Variants in DIP2C observed in about 807,000 individuals in gnomAD.
DIP2C encodes DIP2 acetate--CoA ligase C (putative).
In DIP2C, 33 loss-of-function variants were observed where a neutral mutation model predicts 192.4. The ratio of observed to expected loss-of-function variants is 0.17; its 90% CI spans 0.13 to 0.23. DIP2C has a LOEUF of 0.23. Ranked by LOEUF, DIP2C falls within the 10% of genes least tolerant of loss-of-function variation. The pLI, the probability that DIP2C is intolerant of heterozygous loss-of-function variation, is 1.00. For synonymous variants in DIP2C, 979 were observed against 864.1 expected (o/e 1.13, Z -2.33); for missense variants, 1,537 against 2,110.1 (o/e 0.73, Z 5.32).
intron 29 of DIP2C, among the ~76,000 whole-genome samples, chr10:339,488 C>G (rs1021110922): frequency 2.7e-5 from 4 of 150,896 alleles, no homozygotes; most frequent in African/African-American, 9.9e-5. Context: ...TTCCCTGCAA[C>G]AAACATCTTC....
intron 1 of DIP2C, among the ~76,000 whole-genome samples, chr10:574,575 A>G (rs1197848569): frequency 6.6e-6 from 1 of 152,214 alleles, no homozygotes; most frequent in African/African-American, 2.4e-5. Context: ...AGGAAAGAAC[A>G]GGTAACATCT....
chr10:652,245 C>T lies in DIP2C; in HGVS notation c.85+37249G>A, dbSNP rs10904537. 12,681 of 182,898 alleles carry T rather than the reference C, an allele frequency of 0.069. 771 individuals are homozygous for T. Among genetic ancestry groups the T allele is most frequent in the African/African-American group, 0.17 (7,012 of 41,770 alleles). 11.3% of individuals were successfully genotyped at this position (182,898 alleles called of 1,614,324 possible). A position where few individuals can be genotyped will look rare whatever the true frequency, so the allele number is the denominator to read the frequency against. Reference sequence around the variant, plus strand: ...TGCGTATCCCCTGCGGGAAAGACCACGCTGGCTGCTGACCAAACTCCACTG... The same window carrying T: ...TGCGTATCCCCTGCGGGAAAGACCATGCTGGCTGCTGACCAAACTCCACTG... On this transcript the variant is annotated intron_variant, in intron 1 of 36. Transcript: ENST00000280886. The surrounding 1 kb of genome is among the most constrained non-coding windows in gnomAD (Gnocchi z 4.5).
At chr10:417,312 C>T (rs1965707815) in intron 6 of DIP2C, among the ~76,000 whole-genome samples, 1 of 152,108 alleles carries the variant, frequency 6.6e-6, no homozygotes, top group Admixed American at 6.5e-5. Context: ...CTATGACACG[C>T]CGAGACAGCA....
intron 32 of DIP2C, among the ~76,000 whole-genome samples, chr10:297,208 A>C (rs1014402031): frequency 8.1e-5 from 12 of 148,870 alleles, no homozygotes; most frequent in Admixed American, 3.4e-4. Flanking sequence ...AAAACAAAAC[A>C]AAACAAAACC....
intron 1 of DIP2C, among the ~76,000 whole-genome samples, chr10:603,305 A>AAAAAAAAAAAAAAAAC (rs1852220297): frequency 1.3e-5 from 1 of 79,702 alleles, no homozygotes; most frequent in Admixed American, 1.3e-4. Flanking sequence ...TCTCAAAAAA[A>AAAAAAAAAAAAAAAAC]AAAAAAAAAA....
intron 10 of DIP2C, among the ~76,000 whole-genome samples, chr10:391,880 T>C (rs1248233781): frequency 1.3e-5 from 2 of 152,124 alleles, no homozygotes; most frequent in African/African-American, 2.4e-5. Flanking sequence ...CCTGGGTAAA[T>C]TAGGCAGATT....
intron 26 of DIP2C, among the ~76,000 whole-genome samples, chr10:348,120 G>A (rs1392466495): frequency 6.6e-6 from 1 of 152,250 alleles, no homozygotes; most frequent in East Asian, 1.9e-4. Context: ...CATGCCAAAA[G>A]GGACTCAGGT....
chr10:347,495 C>T (rs1413630282), intron 26 of DIP2C, among the ~76,000 whole-genome samples: 2 of 94,582 alleles, frequency 2.1e-5, no homozygotes, highest in Non-Finnish European at 4.2e-5. Flanking sequence ...CACCCGGACA[C>T]ATTGCGCATA....
chr10:438,634 G>A (rs112316660), intron 4 of DIP2C, among the ~76,000 whole-genome samples: 2,574 of 151,800 alleles, frequency 0.017, 83 homozygotes, highest in African/African-American at 0.058. Flanking sequence ...GGGACTATGC[G>A]CACACACCAC....
chr10:688,007 T>C (rs1219430329), intron 1 of DIP2C, among the ~76,000 whole-genome samples: 1 of 152,176 alleles, frequency 6.6e-6, no homozygotes, highest in Non-Finnish European at 1.5e-5. Context: ...GGGGTGCACC[T>C]GGGCCGAGAC....
intron 3 of DIP2C, among the ~76,000 whole-genome samples, chr10:451,459 T>C (rs1171090735): frequency 6.6e-6 from 1 of 152,188 alleles, no homozygotes; most frequent in Non-Finnish European, 1.5e-5. Context: ...TTTCTTCAAG[T>C]TGTAGGGAGT....
intron 1 of DIP2C, among the ~76,000 whole-genome samples, chr10:552,741 C>T (rs1186163596): frequency 2.6e-5 from 4 of 152,168 alleles, no homozygotes; most frequent in East Asian, 1.9e-4. Context: ...TCCAGCTACT[C>T]GGGAGGCTGA....
At chr10:476,497 A>G (rs1397207242) in intron 2 of DIP2C, among the ~76,000 whole-genome samples, 1 of 152,202 alleles carries the variant, frequency 6.6e-6, no homozygotes, top group Non-Finnish European at 1.5e-5. Context: ...CTCAGCACAA[A>G]AAGCACCAAG....
chr10:610,766 GA>G, intron 1 of DIP2C, among the ~76,000 whole-genome samples: 1 of 151,106 alleles, frequency 6.6e-6, no homozygotes, highest in African/African-American at 2.4e-5. Flanking sequence ...CCCAGTGTTG[GA>G]GGTGGGCCCT....
chr10:479,404 A>C (rs1843421655), intron 2 of DIP2C, among the ~76,000 whole-genome samples: 1 of 136,402 alleles, frequency 7.3e-6, no homozygotes, highest in Non-Finnish European at 1.5e-5. Context: ...CGCAATCTCC[A>C]CTCACTGCAA....
intron 4 of DIP2C, among the ~76,000 whole-genome samples, chr10:438,654 C>A (rs1175991676): frequency 1.3e-5 from 2 of 151,810 alleles, no homozygotes; most frequent in Non-Finnish European, 2.9e-5. Context: ...CCATGCCTGG[C>A]TGATTTCTGT....
intron 3 of DIP2C, among the ~76,000 whole-genome samples, chr10:467,463 A>G (rs1176250534): frequency 6.6e-6 from 1 of 150,890 alleles, no homozygotes; most frequent in East Asian, 2.0e-4. Context: ...GCGCACCAGC[A>G]TGGCATATGT....
intron 1 of DIP2C, among the ~76,000 whole-genome samples, chr10:503,093 C>G (rs1185890887): frequency 1.3e-5 from 2 of 152,054 alleles, no homozygotes; most frequent in African/African-American, 4.8e-5. Context: ...TACCTGCAGA[C>G]TTACCACGAT....
At chr10:659,480 C>G (rs901807811) in intron 1 of DIP2C, among the ~76,000 whole-genome samples, 1 of 152,106 alleles carries the variant, frequency 6.6e-6, no homozygotes, top group African/African-American at 2.4e-5. Context: ...TTAATAAACT[C>G]TACTTTACTG....
Sources: allele counts gnomAD v4.1 joint callset (sites outside exome capture counted in the v4.1 genomes callset), GRCh38; gene constraint gnomAD v4.1.1; non-coding constraint Gnocchi (gnomAD v3.1); transcripts MANE v1.5; gene names NCBI Gene and HGNC (gene_info 2026-07-23, HGNC 2026-07-21).